Variants in EPHB3 observed in about 807,000 individuals in gnomAD.
EPHB3 encodes the protein ephrin type-B receptor 3.
Under a neutral mutation model 100.2 loss-of-function variants are expected in EPHB3, and 33 were observed. The observed-to-expected ratio is 0.33, with a 90% CI of 0.25 to 0.44. The LOEUF (loss-of-function observed/expected upper bound fraction) is 0.44. Ranked by LOEUF, EPHB3 falls within the 20% of genes least tolerant of loss-of-function variation. EPHB3 has a pLI of 1.00. For synonymous variants in EPHB3, 526 were observed against 554.7 expected (o/e 0.95, Z 0.73); for missense variants, 1,045 against 1,378.3 (o/e 0.76, Z 3.83).
chr3:184,568,795 C>G (rs1714461535), intron 1 of EPHB3, among the ~76,000 whole-genome samples: 1 of 152,232 alleles, frequency 6.6e-6, no homozygotes. Flanking sequence ...ACACATGACT[C>G]GAAACCCAAG....
chr3:184,572,761 C>G lies in EPHB3; in HGVS notation c.441C>G (p.Pro147=), dbSNP rs763128534. Residue 147 remains proline (P), a synonymous_variant, in exon 3 of 16, where the codon CCC becomes CCG. Transcript: ENST00000330394. This position sits in a 1 kb window ranked among gnomAD's most constrained non-coding sequence, Gnocchi z 6.6. ...GCGATGTGGCCTCAGCCTCCTCCCC[C>G]TTCTGGATGGAGAACCCCTACGTGA... ...ADSDVASASS[P]FWMENPYVKV... The G allele has an allele frequency of 3.2e-5, 52 of 1,610,736 alleles. No individual in the cohort carries two copies. The Middle Eastern group carries it at 8.3e-4, about 26-fold the overall frequency.
rs868708819 is a variant in EPHB3, at chr3:184,565,344, A to G, written c.118+2991A>G. ...GATTATTCTCCCCTCAGGACCATCA[A>G]CGGGTCAGGGGGTGGGGTCCAATGG... On this transcript the variant is annotated intron_variant, in intron 1 of 15. Coordinates refer to ENST00000330394, the MANE Select transcript of EPHB3 (RefSeq NM_004443.4). The surrounding 1 kb of genome is among the most constrained non-coding windows in gnomAD (Gnocchi z 4.8). Among the ~76,000 whole-genome samples the G allele has an allele frequency of 1.3e-5, 2 of 152,116 alleles. No homozygotes were observed. Among genetic ancestry groups the G allele is most frequent in the African/African-American group, 2.4e-5 (1 of 41,428 alleles).
Position 184,578,321 on chromosome 3 carries a change from C to A in EPHB3, c.1749-93C>A, listed in dbSNP as rs1002247621. On this transcript the variant is annotated intron_variant, in intron 8 of 15. Transcript: ENST00000330394. The surrounding 1 kb of genome is among the most constrained non-coding windows in gnomAD (Gnocchi z 4.7). ...CTAGGCCCCAGGCCATCCCCTGTATCCTCTCCGCCCCTTCTGTGAGCCCAA... is the reference window on the plus strand; with the variant it reads ...CTAGGCCCCAGGCCATCCCCTGTATACTCTCCGCCCCTTCTGTGAGCCCAA... 2.5e-6 allele frequency: 4 copies of A among 1,571,750 alleles called. No homozygotes were observed. Among genetic ancestry groups the A allele is most frequent in the East Asian group, 4.5e-5 (2 of 44,562 alleles).
chr3:184,578,435 T>C lies in EPHB3; in HGVS notation c.1770T>C (p.Asp590=), dbSNP rs1346630406. Residue 590 remains aspartate (D), a synonymous_variant, in exon 9 of 16, where the codon GAT becomes GAC. Transcript: ENST00000330394. The surrounding 1 kb of genome is among the most constrained non-coding windows in gnomAD (Gnocchi z 4.7). The part of the protein sequence containing the change: ...VCLRKQRHGS[D]SEYTEKLQQY... ...ACAGGAAGCAGCGACACGGCTCTGA[T>C]TCGGAGTACACGGAGAAGCTGCAGC... 1 of 1,613,952 alleles carries C rather than the reference T, an allele frequency of 6.2e-7. No individual in the cohort carries two copies. Among genetic ancestry groups the C allele is most frequent in the Non-Finnish European group, 8.5e-7 (1 of 1,179,972 alleles).
chr3:184,573,124 C>CTGTGGG lies in EPHB3; in HGVS notation c.806_807insTGGGTG (p.Cys269_Thr270insGlyCys). ...GGGAGTGGATGGTGCCTGTGGGTGC[C>CTGTGGG]TGCACCTGTGCCACCGGCCATGAGC... is the stretch of plus-strand genomic sequence containing the variant. On this transcript the variant is annotated inframe_insertion, in exon 3 of 16. Coordinates refer to ENST00000330394, the MANE Select transcript of EPHB3 (RefSeq NM_004443.4). The surrounding 1 kb of genome is among the most constrained non-coding windows in gnomAD (Gnocchi z 4.5). 1 of 1,612,770 alleles carries CTGTGGG rather than the reference C, an allele frequency of 6.2e-7. No individual in the cohort carries two copies. Among genetic ancestry groups the CTGTGGG allele is most frequent in the Non-Finnish European group, 8.5e-7 (1 of 1,180,016 alleles).
chr3:184,581,781 C>T lies in EPHB3; in HGVS notation c.*159C>T, dbSNP rs1037612876. 2 of 696,088 alleles carry T rather than the reference C, an allele frequency of 2.9e-6. No individual in the cohort carries two copies. The highest frequency in any genetic ancestry group is 3.6e-5 in the African/African-American group (2 of 55,572). The allele number at this position is 696,088 out of a possible 1,614,324, so 43.1% of individuals were successfully genotyped here. A position where few individuals can be genotyped will look rare whatever the true frequency, so the allele number is the denominator to read the frequency against. On this transcript the variant is annotated 3_prime_UTR_variant, in exon 16 of 16. Transcript: ENST00000330394. ...CTGGGACTTCTCCAGGCCTGTGTTCCCTCCCCAGGAAGTGCGCCCCAAACC... is the reference window on the plus strand; with the variant it reads ...CTGGGACTTCTCCAGGCCTGTGTTCTCTCCCCAGGAAGTGCGCCCCAAACC...
In EPHB3 at chr3:184,573,466, G is replaced by T. The variant is rs1320984187; in HGVS notation, c.856+290G>T. The stretch of plus-strand genomic sequence containing the variant: ...GGCAAGCAGGCACCTGGAGAACGCA[G>T]TCAGAAGCTTAGGAGGCTGGCAGAG... On this transcript the variant is annotated intron_variant, in intron 3 of 15. Coordinates refer to ENST00000330394, the MANE Select transcript of EPHB3 (RefSeq NM_004443.4). This position sits in a 1 kb window ranked among gnomAD's most constrained non-coding sequence, Gnocchi z 4.5. Among the ~76,000 whole-genome samples the T allele has an allele frequency of 5.9e-5, 9 of 152,242 alleles. No individual in the cohort carries two copies. The highest frequency in any genetic ancestry group is 1.0e-4 in the Non-Finnish European group (7 of 68,044).
At chr3:184,575,047 C>T (rs751214988) in intron 3 of EPHB3, 43 of 725,642 alleles carry the variant, frequency 5.9e-5, no homozygotes, top group Non-Finnish European at 6.7e-5. Flanking sequence ...ACAGTTATTA[C>T]TAGTGCCTCC....
Position 184,572,440 on chromosome 3 carries a change from G to C in EPHB3, c.184-64G>C. On this transcript the variant is annotated intron_variant, in intron 2 of 15. Coordinates refer to ENST00000330394, the MANE Select transcript of EPHB3 (RefSeq NM_004443.4). This position sits in a 1 kb window ranked among gnomAD's most constrained non-coding sequence, Gnocchi z 6.6. ...TGTGAAGTAAATAGAGCAGATCTGG[G>C]CACGAGGGAAGCACTTGGCAAATGC... The C allele has an allele frequency of 6.6e-7, 1 of 1,505,150 alleles. No homozygotes were observed. Among genetic ancestry groups the C allele is most frequent in the Non-Finnish European group, 8.8e-7 (1 of 1,130,864 alleles). 93.2% of individuals were successfully genotyped at this position (1,505,150 alleles called of 1,614,324 possible). A position where few individuals can be genotyped will look rare whatever the true frequency, so the allele number is the denominator to read the frequency against.
Position 184,579,974 on chromosome 3 carries a change from G to A in EPHB3, c.2172+40G>A, listed in dbSNP as rs1186105712. On this transcript the variant is annotated intron_variant, in intron 11 of 15. Transcript: ENST00000330394. This position sits in a 1 kb window ranked among gnomAD's most constrained non-coding sequence, Gnocchi z 5.2. Reference sequence around the variant, plus strand: ...CCAGGCCCTCTCCCTCCCCCAGAGAGTTGGATTGGGCTCACCATCCCCTCC... The same window carrying A: ...CCAGGCCCTCTCCCTCCCCCAGAGAATTGGATTGGGCTCACCATCCCCTCC... 1 of 1,592,318 alleles carries A rather than the reference G, an allele frequency of 6.3e-7. No individual in the cohort carries two copies. Among genetic ancestry groups the A allele is most frequent in the East Asian group, 2.2e-5 (1 of 44,770 alleles).
rs1486275680 is a variant in EPHB3 at position 184,562,276 on chromosome 3, CG to C, written c.45del (p.Leu16PhefsTer33). The C allele has an allele frequency of 4.1e-6, 5 of 1,207,874 alleles. No individual in the cohort carries two copies. The highest frequency in any genetic ancestry group is 4.0e-5 in the Admixed American group (1 of 24,934). The allele number at this position is 1,207,874 out of a possible 1,614,324, so 74.8% of individuals were successfully genotyped here. On this transcript the variant is annotated frameshift_variant, in exon 1 of 16. Coordinates refer to ENST00000330394, the MANE Select transcript of EPHB3 (RefSeq NM_004443.4). LOFTEE classifies it high-confidence loss of function. This position sits in a 1 kb window ranked among gnomAD's most constrained non-coding sequence, Gnocchi z 4.8. ...CCGCCGCCGCCGCCGTCGCCGCCGC[CG>C]GGGCTTCTGCCGCTGCTCCCTCCGC... Reference protein sequence around the residue: ...ARPPPPPSPPPGLLPLLPPLL... With the variant: ...ARPPPPPSPPXGLLPLLPPLL...
intron 4 of EPHB3, among the ~76,000 whole-genome samples, chr3:184,576,396 G>A (rs1442084647): frequency 6.6e-6 from 1 of 152,206 alleles, no homozygotes; most frequent in African/African-American, 2.4e-5. Context: ...TCCTGAGGGT[G>A]GCCTGGTGCT....
intron 15 of EPHB3, 24 bp downstream of exon 15, chr3:184,581,432 G>C: frequency 6.3e-7 from 1 of 1,583,742 alleles, no homozygotes; most frequent in Non-Finnish European, 8.6e-7. Flanking sequence ...AGATTTGGAG[G>C]AGCAGGGCAG....
Position 184,577,125 on chromosome 3 carries a change from G to C in EPHB3, c.1296G>C (p.Ser432=). 6.2e-7 allele frequency: 1 copy of C among 1,611,664 alleles called. No homozygotes were observed. The highest frequency in any genetic ancestry group is 8.5e-7 in the Non-Finnish European group (1 of 1,178,664). The change falls in exon 5 of 16, where the codon TCG becomes TCC. Residue 432 remains serine (S), a synonymous_variant. Transcript: ENST00000330394. The surrounding 1 kb of genome is among the most constrained non-coding windows in gnomAD (Gnocchi z 4.9). ...AGGTGCAGGCGGTCAACGGTGTCTC[G>C]GGCAAGAGCCCTCTGCCGCCTCGTT... ...TFEVQAVNGV[S]GKSPLPPRYA...
chr3:184,572,800 T>C lies in EPHB3; in HGVS notation c.480T>C (p.Ile160=), dbSNP rs763744862. 2.5e-6 allele frequency: 4 copies of C among 1,592,390 alleles called. No individual in the cohort carries two copies. In the South Asian group the frequency reaches 3.4e-5, roughly 14 times the overall value. The part of the protein sequence containing the change: ...MENPYVKVDT[I]APDESFSRLD... ...ACCCCTACGTGAAAGTGGACACCAT[T>C]GCACCCGATGAGAGCTTCTCGCGGC... The change falls in exon 3 of 16, where the codon ATT becomes ATC. Residue 160 remains isoleucine, a synonymous_variant. Coordinates refer to ENST00000330394, the MANE Select transcript of EPHB3 (RefSeq NM_004443.4). The surrounding 1 kb of genome is among the most constrained non-coding windows in gnomAD (Gnocchi z 6.6).
chr3:184,581,404 G>A lies in EPHB3; in HGVS notation c.2884G>A (p.Ala962Thr), dbSNP rs763476526. 1.3e-6 allele frequency: 2 copies of A among 1,585,924 alleles called. No homozygotes were observed. The highest frequency in any genetic ancestry group is 4.5e-5 in the East Asian group (2 of 44,642). Residue 962 changes from alanine (A) to threonine (T), a missense_variant, in exon 15 of 16, where the codon GCA becomes ACA. Ala to Thr is a moderately conservative substitution (Grantham distance 58). Around this residue, in one of 2 missense-constraint regions of EPHB3, gnomAD observed 985 missense variants for 1,331.1 expected, o/e 0.74. Coordinates refer to ENST00000330394, the MANE Select transcript of EPHB3 (RefSeq NM_004443.4). Reference protein sequence around the residue: ...ASFDLVAQMTAEDLLRIGVTL... With the variant: ...ASFDLVAQMTTEDLLRIGVTL... ...TTTTGACCTGGTGGCCCAGATGACG[G>A]CAGAGTAAGTGTGCCTCAGATTTGG...
chr3:184,578,456 G>C lies in EPHB3; in HGVS notation c.1791G>C (p.Leu597=). 1 of 1,613,984 alleles carries C rather than the reference G, an allele frequency of 6.2e-7. No homozygotes were observed. Among genetic ancestry groups the C allele is most frequent in the Non-Finnish European group, 8.5e-7 (1 of 1,179,974 alleles). The change falls in exon 9 of 16, where the codon CTG becomes CTC. Residue 597 remains leucine, a synonymous_variant. Transcript: ENST00000330394. The surrounding 1 kb of genome is among the most constrained non-coding windows in gnomAD (Gnocchi z 4.7). The stretch of plus-strand genomic sequence containing the variant: ...CTGATTCGGAGTACACGGAGAAGCT[G>C]CAGCAGTACAGTGAGTTTGTCCCCG... The part of the protein sequence containing the change: ...HGSDSEYTEK[L]QQYIAPGMKV...
At chr3:184,581,446 G>C (rs1341292617) in intron 15 of EPHB3, 38 bp downstream of exon 15, 9 of 1,587,446 alleles carry the variant, frequency 5.7e-6, no homozygotes, top group Admixed American at 3.5e-5. Flanking sequence ...AGGGCAGGGG[G>C]CCCTAGGCTG....
At chr3:184,570,021 G>A (rs138249704) in intron 1 of EPHB3, among the ~76,000 whole-genome samples, 1,859 of 152,326 alleles carry the variant, frequency 0.012, 22 homozygotes, top group Non-Finnish European at 0.019. Flanking sequence ...CAGCCAGAGC[G>A]CAGAACCAGG....
Sources: gnomAD v4.1 joint callset for allele counts (sites outside exome capture counted in the v4.1 genomes callset) on GRCh38, gnomAD v4.1.1 for gene constraint, gnomAD v4.1.1 regional missense constraint, Gnocchi (gnomAD v3.1) non-coding constraint, MANE v1.5 for transcripts, NCBI Gene and HGNC (gene_info 2026-07-23, HGNC 2026-07-21) for gene names.